LAMA4: variants seen among roughly 807,000 people sequenced by gnomAD.
LAMA4 encodes laminin subunit alpha-4.
A neutral mutation model predicts 207.1 loss-of-function variants in LAMA4; 127 were observed. The observed-to-expected ratio is 0.61, with a 90% CI of 0.53 to 0.71. LAMA4 has a LOEUF of 0.71. Ranked by LOEUF, LAMA4 falls within the 30% of genes least tolerant of loss-of-function variation. LAMA4 has a pLI of 0.00. For synonymous variants in LAMA4, 761 were observed against 816.0 expected, an observed-to-expected ratio of 0.93 and a Z score of 1.15; for missense variants, 2,093 against 2,246.5, an observed-to-expected ratio of 0.93 and a Z score of 1.38.
At chr6:112,183,729 T>G (rs1350394048) in intron 9 of LAMA4, among the ~76,000 whole-genome samples, 1 of 152,048 alleles carries the variant, frequency 6.6e-6, no homozygotes, top group African/African-American at 2.4e-5. Flanking sequence ...GGTGAGCTGA[T>G]CACCTGAGGT....
chr6:112,173,326 T>C (rs1173674237), intron 11 of LAMA4, among the ~76,000 whole-genome samples: 1 of 152,212 alleles, frequency 6.6e-6, no homozygotes, highest in African/African-American at 2.4e-5. Context: ...ATTCTTAAAC[T>C]TTGCATGTGT....
At chr6:112,124,423 A>C (rs587657300) in intron 31 of LAMA4, among the ~76,000 whole-genome samples, 1 of 152,344 alleles carries the variant, frequency 6.6e-6, no homozygotes, top group Admixed American at 6.5e-5. Context: ...GTGTCTTTAT[A>C]TATGGCAACC....
intron 4 of LAMA4, among the ~76,000 whole-genome samples, chr6:112,203,366 G>T (rs1161973882): frequency 3.3e-5 from 5 of 152,278 alleles, no homozygotes; most frequent in Non-Finnish European, 7.3e-5. Context: ...GCGTCTGTGG[G>T]CTCAGCTTCA....
rs971822334 is a variant in LAMA4, at chr6:112,139,701, G to A, written c.3110+51C>T. 3 of 1,599,462 alleles carry A rather than the reference G, an allele frequency of 1.9e-6. No homozygotes were observed. In the African/African-American group the frequency reaches 4.0e-5, roughly 21 times the overall value. ...ATATTGACTCATACTTGTTCTATCT[G>A]CTGCTCTTGCATGAATATCCAAGTC... On this transcript the variant is annotated intron_variant, in intron 23 of 38. Coordinates refer to ENST00000230538, the MANE Select transcript of LAMA4 (RefSeq NM_001105206.3).
At chr6:112,158,455 C>T (rs782434984) in intron 14 of LAMA4, 5 of 436,880 alleles carry the variant, frequency 1.1e-5, no homozygotes, top group Non-Finnish European at 2.1e-5. Flanking sequence ...GGAACACAGA[C>T]CTTTAATATG....
intron 4 of LAMA4, among the ~76,000 whole-genome samples, chr6:112,205,975 C>T (rs1250309213): frequency 1.3e-5 from 2 of 152,198 alleles, no homozygotes; most frequent in African/African-American, 2.4e-5. Context: ...GGTGCTCCAG[C>T]AGAGAGCCTG....
chr6:112,129,862 T>G lies in LAMA4; in HGVS notation c.4133+14A>C. ...ATCAATCATGCAGATTCATTAATAA[T>G]AAAAATATTATACCTGGTAAAGTAG... On this transcript the variant is annotated intron_variant, in intron 30 of 38. Coordinates refer to ENST00000230538, the MANE Select transcript of LAMA4 (RefSeq NM_001105206.3). 6.5e-7 allele frequency: 1 copy of G among 1,532,284 alleles called. No individual in the cohort carries two copies. Among genetic ancestry groups the G allele is most frequent in the Non-Finnish European group, 8.9e-7 (1 of 1,125,720 alleles). 94.9% of individuals were successfully genotyped at this position (1,532,284 alleles called of 1,614,324 possible).
In LAMA4 at chr6:112,185,439, T is replaced by C; in HGVS notation, c.967-92A>G. 15 of 798,128 alleles carry C rather than the reference T, an allele frequency of 1.9e-5. No individual in the cohort carries two copies. The South Asian group carries it at 2.1e-4, about 11-fold the overall frequency. 49.4% of individuals were successfully genotyped at this position (798,128 alleles called of 1,614,324 possible). A position where few individuals can be genotyped will look rare whatever the true frequency, so the allele number is the denominator to read the frequency against. On this transcript the variant is annotated intron_variant, in intron 8 of 38. Coordinates refer to ENST00000230538, the MANE Select transcript of LAMA4 (RefSeq NM_001105206.3). ...TCTTTCAGTGTAAGAGGACTCAGAG[T>C]AGAGTGTGAGGCTCTTTTCTCAAAA...
In LAMA4 at chr6:112,129,881, A is replaced by G; in HGVS notation, c.4128T>C (p.Phe1376=). The G allele has an allele frequency of 6.3e-7, 1 of 1,592,758 alleles. No homozygotes were observed. The highest frequency in any genetic ancestry group is 8.6e-7 in the Non-Finnish European group (1 of 1,166,440). ...NFTGCISNAY[F]TRVDRDVEVE... is the part of the protein sequence containing the mutation. ...TAATAATAAAAATATTATACCTGGT[A>G]AAGTAGGCATTACTTATGCAGCCAG... Residue 1376 remains phenylalanine (F), a synonymous_variant, in exon 30 of 39, where the codon TTT becomes TTC. Coordinates refer to ENST00000230538, the MANE Select transcript of LAMA4 (RefSeq NM_001105206.3).
chr6:112,132,977 C>A, intron 27 of LAMA4, 87 bp from the exon 28 acceptor site: 2 of 1,354,164 alleles, frequency 1.5e-6, no homozygotes, highest in Non-Finnish European at 2.1e-6. Flanking sequence ...AAGGCCTTGC[C>A]TGTTAATTTC....
rs1584038881 is a variant in LAMA4, at chr6:112,254,466, C to G, written c.-149G>C. The G allele has an allele frequency of 4.6e-6, 2 of 432,548 alleles. No individual in the cohort carries two copies. The highest frequency in any genetic ancestry group is 8.6e-6 in the Non-Finnish European group (2 of 231,978). 26.8% of individuals were successfully genotyped at this position (432,548 alleles called of 1,614,324 possible). A position where few individuals can be genotyped will look rare whatever the true frequency, so the allele number is the denominator to read the frequency against. ...CAGATGGACGGAGCTTACAGTACGG[C>G]ATCAAAAGGCAGACGGATTGGGGTG... On this transcript the variant is annotated 5_prime_UTR_variant, in exon 1 of 39. An upstream start codon of the reference 5' UTR is lost. Transcript: ENST00000230538.
Position 112,129,886 on chromosome 6 carries a change from A to G in LAMA4, c.4123T>C (p.Tyr1375His). 6.2e-7 allele frequency: 1 copy of G among 1,600,076 alleles called. No homozygotes were observed. The highest frequency in any genetic ancestry group is 8.5e-7 in the Non-Finnish European group (1 of 1,171,104). The change falls in exon 30 of 39, where the codon TAC becomes CAC. Residue 1375 changes from tyrosine (Y) to histidine (H), a missense_variant. Tyr to His is a moderately conservative substitution (Grantham distance 83). This residue lies in a region of LAMA4 where 1,704 missense variants were observed against 1,788.4 expected (regional missense o/e 0.95). Coordinates refer to ENST00000230538, the MANE Select transcript of LAMA4 (RefSeq NM_001105206.3). ...ANFTGCISNA[Y>H]FTRVDRDVEV... ...ATAAAAATATTATACCTGGTAAAGT[A>G]GGCATTACTTATGCAGCCAGTGAAA...
intron 18 of LAMA4, among the ~76,000 whole-genome samples, chr6:112,147,492 A>T (rs1236657388): frequency 6.6e-6 from 1 of 152,204 alleles, no homozygotes; most frequent in Non-Finnish European, 1.5e-5. Context: ...ATTTGTCATG[A>T]TATTGACAGA....
intron 9 of LAMA4, among the ~76,000 whole-genome samples, chr6:112,180,126 C>T (rs1583813274): frequency 6.6e-6 from 1 of 152,130 alleles, no homozygotes; most frequent in Admixed American, 6.5e-5. Flanking sequence ...AAGCACAACA[C>T]CCCTAGTTTT....
At chr6:112,210,574 C>T (rs1185947172) in intron 3 of LAMA4, among the ~76,000 whole-genome samples, 1 of 152,132 alleles carries the variant, frequency 6.6e-6, no homozygotes, top group African/African-American at 2.4e-5. Context: ...GGTTAGCCTT[C>T]CTGTGTTTGT....
chr6:112,247,416 G>A (rs1426407897), intron 2 of LAMA4, among the ~76,000 whole-genome samples: 1 of 152,138 alleles, frequency 6.6e-6, no homozygotes, highest in Non-Finnish European at 1.5e-5. Flanking sequence ...TCTTTAGGCT[G>A]AATCTGGCCC....
chr6:112,114,245 T>A, intron 37 of LAMA4, 50 bp from the exon 38 acceptor site: 1 of 1,415,466 alleles, frequency 7.1e-7, no homozygotes, highest in Non-Finnish European at 9.9e-7. Flanking sequence ...AGTGATGAAT[T>A]TTTAACCTGA....
intron 9 of LAMA4, among the ~76,000 whole-genome samples, chr6:112,183,860 A>G (rs1782511493): frequency 1.3e-5 from 2 of 150,862 alleles, no homozygotes; most frequent in East Asian, 4.0e-4. Context: ...CTGAGGCAGG[A>G]GAATCACTGG....
At chr6:112,203,781 A>G (rs1178941912) in intron 4 of LAMA4, among the ~76,000 whole-genome samples, 1 of 150,282 alleles carries the variant, frequency 6.7e-6, no homozygotes, top group Non-Finnish European at 1.5e-5. Flanking sequence ...TAGGTGACAC[A>G]CTTTTTACTT....
Sources: gnomAD v4.1 joint callset for allele counts (sites outside exome capture counted in the v4.1 genomes callset) on GRCh38, gnomAD v4.1.1 for gene constraint, gnomAD v4.1.1 regional missense constraint, MANE v1.5 for transcripts, NCBI Gene and HGNC (gene_info 2026-07-23, HGNC 2026-07-21) for gene names.